JAZF1: variants seen among roughly 807,000 people sequenced by gnomAD.
JAZF1 encodes the protein juxtaposed with another zinc finger protein 1.
Under a neutral mutation model 26.4 loss-of-function variants are expected in JAZF1, and 8 were observed. The observed-to-expected ratio is 0.30, with a 90% CI of 0.18 to 0.55. The LOEUF (loss-of-function observed/expected upper bound fraction) is 0.55. Ranked by LOEUF, JAZF1 falls within the 20% of genes least tolerant of loss-of-function variation. JAZF1 has a pLI of 0.94. For synonymous variants in JAZF1, 126 were observed against 122.3 expected (o/e 1.03, Z -0.20); for missense variants, 199 against 322.0 (o/e 0.62, Z 2.92).
intron 2 of JAZF1, among the ~76,000 whole-genome samples, chr7:27,986,259 G>A (rs1255630172): frequency 6.6e-6 from 1 of 152,190 alleles, no homozygotes; most frequent in Admixed American, 6.5e-5. Flanking sequence ...AGCAACTTCA[G>A]CGAAGTCTCA....
At chr7:27,860,684 G>A (rs1783363067) in intron 3 of JAZF1, among the ~76,000 whole-genome samples, 1 of 152,104 alleles carries the variant, frequency 6.6e-6, no homozygotes, top group African/African-American at 2.4e-5. Context: ...CTTGTCAGAG[G>A]TCACAAAGCT....
chr7:28,098,746 C>T (rs1201328720), intron 1 of JAZF1, among the ~76,000 whole-genome samples: 2 of 152,094 alleles, frequency 1.3e-5, no homozygotes, highest in Non-Finnish European at 2.9e-5. Flanking sequence ...TAATGGTAAC[C>T]GCTAACACTG....
chr7:27,841,025 T>C, intron 3 of JAZF1, 158 bp from the exon 4 acceptor site: 3 of 666,842 alleles, frequency 4.5e-6, no homozygotes, highest in Non-Finnish European at 7.6e-6. Flanking sequence ...ACACGGCTAT[T>C]CCCTTACAAC....
intron 2 of JAZF1, among the ~76,000 whole-genome samples, chr7:27,918,726 T>C (rs4355669): frequency 2.0e-5 from 3 of 152,186 alleles, no homozygotes; most frequent in Non-Finnish European, 4.4e-5. Flanking sequence ...TTACCACCTG[T>C]GCAAATTTCC....
chr7:28,086,309 A>G (rs1784211247), intron 1 of JAZF1, among the ~76,000 whole-genome samples: 1 of 152,232 alleles, frequency 6.6e-6, no homozygotes, highest in African/African-American at 2.4e-5. Flanking sequence ...GGGTACTCAT[A>G]AAAGTTTTTA....
At chr7:27,866,103 G>A (rs1387904031) in intron 3 of JAZF1, among the ~76,000 whole-genome samples, 2 of 152,332 alleles carry the variant, frequency 1.3e-5, no homozygotes, top group East Asian at 1.9e-4. Flanking sequence ...CGTCTTCATC[G>A]AGTGAGGGCA....
At chr7:28,149,438 C>A (rs1350343580) in intron 1 of JAZF1, among the ~76,000 whole-genome samples, 88 of 152,084 alleles carry the variant, frequency 5.8e-4, no homozygotes, top group Non-Finnish European at 1.5e-5. Context: ...GGCAGGCAAG[C>A]AGAAAGGCCT....
chr7:27,966,177 A>C (rs1458902411), intron 2 of JAZF1, among the ~76,000 whole-genome samples: 1 of 152,216 alleles, frequency 6.6e-6, no homozygotes, highest in African/African-American at 2.4e-5. Flanking sequence ...AATACATTCC[A>C]CAACTCTACA....
At chr7:27,878,699 C>T (rs1415339459) in intron 3 of JAZF1, among the ~76,000 whole-genome samples, 1 of 152,148 alleles carries the variant, frequency 6.6e-6, no homozygotes, top group Non-Finnish European at 1.5e-5. Flanking sequence ...GGAATGACAA[C>T]TTCCATAATG....
chr7:27,896,604 ATT>A (rs960549134), intron 2 of JAZF1, among the ~76,000 whole-genome samples: 1 of 152,242 alleles, frequency 6.6e-6, no homozygotes, highest in African/African-American at 2.4e-5. Context: ...CCTATTTCAC[ATT>A]TTGTCTACAA....
chr7:27,973,183 T>A (rs573551373), intron 2 of JAZF1, among the ~76,000 whole-genome samples: 169 of 152,300 alleles, frequency 1.1e-3, no homozygotes, highest in African/African-American at 3.7e-3. Context: ...AATTTTAAAA[T>A]TTCTATTATT....
intron 2 of JAZF1, among the ~76,000 whole-genome samples, chr7:27,947,001 A>G (rs1278679691): frequency 1.3e-5 from 2 of 152,268 alleles, no homozygotes; most frequent in East Asian, 1.9e-4. Context: ...ACTGCATTCA[A>G]TCAGAAATGG....
chr7:28,067,240 G>T (rs116349305), intron 1 of JAZF1, among the ~76,000 whole-genome samples: 15 of 152,334 alleles, frequency 9.8e-5, no homozygotes, highest in African/African-American at 3.4e-4. Flanking sequence ...ATTATCCTCA[G>T]TGAACATGTT....
rs775685387 is a variant in JAZF1 at position 28,015,091 on chromosome 7, C to A, written c.116-23110G>T. Reference sequence around the variant, plus strand: ...TAGGGGTAGGGGGCAGTGCAACCTACATTTTAACAAGTCCCATGCTAAAAA... The same window carrying A: ...TAGGGGTAGGGGGCAGTGCAACCTAAATTTTAACAAGTCCCATGCTAAAAA... On this transcript the variant is annotated intron_variant, in intron 1 of 4. Transcript: ENST00000283928. Among the ~76,000 whole-genome samples the A allele has an allele frequency of 4.9e-4, 74 of 151,482 alleles. 1 individual carries two copies. The highest frequency in any genetic ancestry group is 3.4e-3 in the Middle Eastern group (1 of 294).
At chr7:28,135,923 G>A (rs1782877627) in intron 1 of JAZF1, among the ~76,000 whole-genome samples, 1 of 152,158 alleles carries the variant, frequency 6.6e-6, no homozygotes, top group Non-Finnish European at 1.5e-5. Context: ...TTGTACTATT[G>A]TACTGGCTCT....
At chr7:27,921,383 TA>T (rs1220879176) in intron 2 of JAZF1, among the ~76,000 whole-genome samples, 2 of 151,652 alleles carry the variant, frequency 1.3e-5, no homozygotes, top group Admixed American at 1.3e-4. Context: ...GAAAATATGG[TA>T]TTATAGAGCC....
At chr7:27,920,810 T>C (rs998325391) in intron 2 of JAZF1, among the ~76,000 whole-genome samples, 1 of 152,172 alleles carries the variant, frequency 6.6e-6, no homozygotes, top group African/African-American at 2.4e-5. Flanking sequence ...TATGGTGTAA[T>C]AGAGAGGTCT....
chr7:28,137,627 C>T (rs1228742848), intron 1 of JAZF1, among the ~76,000 whole-genome samples: 1 of 152,128 alleles, frequency 6.6e-6, no homozygotes, highest in East Asian at 1.9e-4. Flanking sequence ...TCTACGTATC[C>T]CTGGGATATA....
chr7:28,071,033 A>G (rs140420960), intron 1 of JAZF1, among the ~76,000 whole-genome samples: 1 of 152,168 alleles, frequency 6.6e-6, no homozygotes, highest in Non-Finnish European at 1.5e-5. Context: ...CTTACCTAGA[A>G]CTGGTTACCG....
Sources: gnomAD v4.1 joint callset for allele counts (sites outside exome capture counted in the v4.1 genomes callset) on GRCh38, gnomAD v4.1.1 for gene constraint, MANE v1.5 for transcripts, NCBI Gene and HGNC (gene_info 2026-07-23, HGNC 2026-07-21) for gene names.